CSRNP3: variants seen among roughly 807,000 people sequenced by gnomAD.
The protein encoded by CSRNP3 is cysteine/serine-rich nuclear protein 3.
CSRNP3 carries 12 observed loss-of-function variants against 48.0 expected under a neutral mutation model. The ratio of observed to expected loss-of-function variants is 0.25; its 90% confidence interval spans 0.16 to 0.41. The LOEUF is 0.41. Among genes scored for constraint, CSRNP3 ranks in the 10% least tolerant of loss-of-function variants. The probability of loss-of-function intolerance (pLI) is 1.00; values close to 1 mark genes in which losing one functional copy is unlikely to be tolerated. For missense variants in CSRNP3, 580 were observed against 724.4 expected, an observed-to-expected ratio of 0.80 and a Z score of 2.29; for synonymous variants, 263 against 269.7, an observed-to-expected ratio of 0.98 and a Z score of 0.24.
intron 3 of CSRNP3, 120 bp downstream of exon 3, chr2:165,518,081 A>G (rs1017914508): frequency 3.0e-4 from 45 of 152,324 alleles, no homozygotes; most frequent in African/African-American, 1.1e-3. Flanking sequence ...TGTGTTTTAA[A>G]CGAAGTCTCC....
intron 5 of CSRNP3, among the ~76,000 whole-genome samples, chr2:165,667,405 TA>T (rs1292282931): frequency 6.6e-6 from 1 of 152,224 alleles, no homozygotes; most frequent in Admixed American, 6.5e-5. Context: ...ACCATCTTTT[TA>T]AGTATTTTTT....
intron 3 of CSRNP3, among the ~76,000 whole-genome samples, chr2:165,579,998 G>A (rs906841984): frequency 1.5e-5 from 2 of 137,558 alleles, no homozygotes; most frequent in Non-Finnish European, 3.0e-5. Context: ...GCGTAATCTC[G>A]GCTCACCGCA....
chr2:165,532,236 G>A, intron 3 of CSRNP3, among the ~76,000 whole-genome samples: 1 of 152,118 alleles, frequency 6.6e-6, no homozygotes, highest in Non-Finnish European at 1.5e-5. Context: ...TGATACCAAA[G>A]CCTGGCAGAG....
intron 3 of CSRNP3, among the ~76,000 whole-genome samples, chr2:165,566,109 C>G (rs768284489): frequency 6.6e-5 from 10 of 151,932 alleles, no homozygotes; most frequent in Admixed American, 2.0e-4. Context: ...TAATAAAACT[C>G]AGTCGTAATC....
At chr2:165,555,354 T>G (rs903901321) in intron 3 of CSRNP3, among the ~76,000 whole-genome samples, 5 of 152,226 alleles carry the variant, frequency 3.3e-5, no homozygotes, top group African/African-American at 1.2e-4. Context: ...CAATAGATAC[T>G]TTTTCACGAA....
Position 165,685,425 on chromosome 2 carries a change from TTCCTA to T in CSRNP3, c.*5677_*5681del, listed in dbSNP as rs1160547046. 1.3e-5 allele frequency: 2 copies of T among 152,084 alleles called. No individual in the cohort carries two copies. The highest frequency in any genetic ancestry group is 3.9e-4 in the East Asian group (2 of 5,190). 9.4% of individuals were successfully genotyped at this position (152,084 alleles called of 1,614,324 possible). On this transcript the variant is annotated 3_prime_UTR_variant, in exon 7 of 7. Coordinates refer to ENST00000651982, the MANE Select transcript of CSRNP3 (RefSeq NM_001172173.2). ...TGTGCTGTCTTGGCATGCCTTGGGTTTCCTATCCTGAGAGTGGTAATGCCAGTAGA... is the reference window on the plus strand; with the variant it reads ...TGTGCTGTCTTGGCATGCCTTGGGTTTCCTGAGAGTGGTAATGCCAGTAGA...
At position 165,678,964 on chromosome 2, in the gene CSRNP3, C is replaced by T; in HGVS notation, c.969C>T (p.Pro323=). 1 of 1,613,970 alleles carries T rather than the reference C, an allele frequency of 6.2e-7. No individual in the cohort carries two copies. Among genetic ancestry groups the T allele is most frequent in the Non-Finnish European group, 8.5e-7 (1 of 1,179,986 alleles). The change falls in exon 7 of 7, where the codon CCC becomes CCT. Residue 323 remains proline, a synonymous_variant. Coordinates refer to ENST00000651982, the MANE Select transcript of CSRNP3 (RefSeq NM_001172173.2). ...IADSFEIETE[P]QAAVLHLQSA... ...ACAGTTTTGAGATTGAAACTGAGCC[C>T]CAGGCTGCAGTGCTGCACCTGCAGT...
intron 3 of CSRNP3, among the ~76,000 whole-genome samples, chr2:165,520,267 A>G (rs931988940): frequency 1.3e-5 from 2 of 152,100 alleles, no homozygotes; most frequent in African/African-American, 4.8e-5. Context: ...TTTTCATTCA[A>G]TGTTTGGTTC....
rs553315083 is a variant in CSRNP3 at position 165,687,962 on chromosome 2, C to T, written c.*8209C>T. 2.0e-5 allele frequency: 3 copies of T among 151,392 alleles called. No homozygotes were observed. The highest frequency in any genetic ancestry group is 2.1e-4 in the South Asian group (1 of 4,790). 9.4% of individuals were successfully genotyped at this position (151,392 alleles called of 1,614,324 possible). On this transcript the variant is annotated 3_prime_UTR_variant, in exon 7 of 7. Transcript: ENST00000651982. Reference sequence around the variant, plus strand: ...GGTACAGCTGCATATCTCCCAAACTCGGATGCTCTTGTGAAATGACAGCCA... The same window carrying T: ...GGTACAGCTGCATATCTCCCAAACTTGGATGCTCTTGTGAAATGACAGCCA...
chr2:165,633,909 G>T (rs1558957131), intron 4 of CSRNP3, among the ~76,000 whole-genome samples: 2 of 152,150 alleles, frequency 1.3e-5, no homozygotes, highest in Non-Finnish European at 2.9e-5. Context: ...AGACCCTGCT[G>T]CACAAAGCCT....
chr2:165,594,120 A>G (rs925283461), intron 3 of CSRNP3, among the ~76,000 whole-genome samples: 2 of 152,196 alleles, frequency 1.3e-5, no homozygotes, highest in Admixed American at 6.5e-5. Flanking sequence ...AATCCAAAAA[A>G]AATTCAAAAT....
At chr2:165,647,639 C>G (rs1558961172) in intron 4 of CSRNP3, among the ~76,000 whole-genome samples, 1 of 152,148 alleles carries the variant, frequency 6.6e-6, no homozygotes, top group African/African-American at 2.4e-5. Flanking sequence ...GTTGGACTTA[C>G]ATTTTTTGAT....
chr2:165,611,310 CTA>C (rs1385420067), intron 4 of CSRNP3, among the ~76,000 whole-genome samples: 1 of 151,624 alleles, frequency 6.6e-6, no homozygotes, highest in Non-Finnish European at 1.5e-5. Context: ...AAGATGATAA[CTA>C]TGTGAGGCAA....
At chr2:165,667,940 A>G (rs1354653202) in intron 5 of CSRNP3, among the ~76,000 whole-genome samples, 1 of 152,230 alleles carries the variant, frequency 6.6e-6, no homozygotes, top group Non-Finnish European at 1.5e-5. Context: ...GTGCTTGGCA[A>G]TATGCCATAG....
chr2:165,563,338 T>C (rs954260226), intron 3 of CSRNP3, among the ~76,000 whole-genome samples: 17 of 152,176 alleles, frequency 1.1e-4, no homozygotes, highest in Admixed American at 2.6e-4. Flanking sequence ...GTGGCCATAC[T>C]TCAATCACTA....
chr2:165,513,247 G>T (rs188587502), intron 2 of CSRNP3, among the ~76,000 whole-genome samples: 295 of 152,290 alleles, frequency 1.9e-3, no homozygotes, highest in Admixed American at 5.7e-3. Flanking sequence ...TATTAATTAT[G>T]CAATGCTGTA....
chr2:165,606,211 A>G (rs1231608982), intron 4 of CSRNP3, among the ~76,000 whole-genome samples: 2 of 151,856 alleles, frequency 1.3e-5, no homozygotes, highest in African/African-American at 4.8e-5. Context: ...GTATTTGGGT[A>G]CATTAAAATA....
intron 2 of CSRNP3, among the ~76,000 whole-genome samples, chr2:165,505,242 C>G (rs1318876894): frequency 6.6e-6 from 1 of 152,032 alleles, no homozygotes; most frequent in African/African-American, 2.4e-5. Flanking sequence ...TGATTTCTGT[C>G]CTATAAAGGA....
chr2:165,526,278 G>A (rs1176718376), intron 3 of CSRNP3, among the ~76,000 whole-genome samples: 12 of 152,064 alleles, frequency 7.9e-5, no homozygotes, highest in Admixed American at 6.6e-4. Flanking sequence ...CTGAGATTTT[G>A]ATCGGAAAAT....
Sources: allele counts gnomAD v4.1 joint callset (sites outside exome capture counted in the v4.1 genomes callset), GRCh38; gene constraint gnomAD v4.1.1; transcripts MANE v1.5; gene names NCBI Gene and HGNC (gene_info 2026-07-23, HGNC 2026-07-21).